Variants in HEATR5A observed in about 807,000 individuals in gnomAD.
HEATR5A encodes the protein HEAT repeat-containing protein 5A.
A neutral mutation model predicts 218.8 loss-of-function variants in HEATR5A; 178 were observed. The observed-to-expected ratio is 0.81, with a 90% CI of 0.72 to 0.92. HEATR5A has a LOEUF of 0.92. Ranked by LOEUF, HEATR5A falls within the 40% of genes least tolerant of loss-of-function variation. The probability of loss-of-function intolerance (pLI) is 0.00; values close to 1 mark genes in which losing one functional copy is unlikely to be tolerated. For missense variants in HEATR5A, 2,420 were observed against 2,418.9 expected (o/e 1.00, Z -0.01); for synonymous variants, 864 against 871.6 (o/e 0.99, Z 0.15).
At chr14:31,326,404 TCACA>T in intron 22 of HEATR5A, 62 bp from the exon 23 acceptor site, 3 of 1,165,534 alleles carry the variant, frequency 2.6e-6, no homozygotes, top group Middle Eastern at 2.0e-4. Context: ...TATCAGAAGC[TCACA>T]CATTCAGTAG....
intron 21 of HEATR5A, among the ~76,000 whole-genome samples, chr14:31,340,742 C>T (rs542350183): frequency 6.6e-6 from 1 of 152,266 alleles, no homozygotes; most frequent in South Asian, 2.1e-4. Flanking sequence ...TTAGGTTTTT[C>T]TTCAGAATCT....
At chr14:31,336,014 T>G (rs8010938) in intron 22 of HEATR5A, among the ~76,000 whole-genome samples, 142,691 of 146,254 alleles carry the variant, frequency 0.98, 69,699 homozygotes, top group Middle Eastern at 1. Context: ...CTGTAACCCA[T>G]GCTGCAGTTA....
intron 22 of HEATR5A, among the ~76,000 whole-genome samples, chr14:31,331,006 A>G (rs1349086439): frequency 7.2e-6 from 1 of 138,724 alleles, no homozygotes; most frequent in Non-Finnish European, 1.5e-5. Context: ...CAGTGGCGCA[A>G]CCTCAACTCA....
At chr14:31,369,061 C>T (rs961495958) in intron 13 of HEATR5A, among the ~76,000 whole-genome samples, 3 of 152,106 alleles carry the variant, frequency 2.0e-5, no homozygotes, top group African/African-American at 7.2e-5. Context: ...CTTTGGGAGG[C>T]TGAGGCAGGA....
At chr14:31,396,592 T>G (rs2030662479) in intron 4 of HEATR5A, among the ~76,000 whole-genome samples, 1 of 152,224 alleles carries the variant, frequency 6.6e-6, no homozygotes, top group Non-Finnish European at 1.5e-5. Flanking sequence ...AAGAATCATT[T>G]CATAGTAATA....
chr14:31,397,459 A>C (rs1216007586), intron 4 of HEATR5A, among the ~76,000 whole-genome samples: 1 of 151,946 alleles, frequency 6.6e-6, no homozygotes, highest in Non-Finnish European at 1.5e-5. Context: ...GGAGTTCAAG[A>C]ATGGCCTGGT....
intron 11 of HEATR5A, among the ~76,000 whole-genome samples, chr14:31,377,553 A>AC (rs1902276298): frequency 6.6e-6 from 1 of 152,028 alleles, no homozygotes; most frequent in Admixed American, 6.6e-5. Flanking sequence ...CAGATTGCTT[A>AC]AGTCCAGGAG....
chr14:31,302,246 T>C (rs746100427), intron 33 of HEATR5A, 49 bp downstream of exon 33: 1 of 1,347,236 alleles, frequency 7.4e-7, no homozygotes, highest in South Asian at 1.3e-5. Flanking sequence ...AAAACTCTTC[T>C]TCTCACTTTT....
intron 22 of HEATR5A, among the ~76,000 whole-genome samples, chr14:31,330,548 G>C (rs2139181224): frequency 6.6e-6 from 1 of 152,168 alleles, no homozygotes; most frequent in Middle Eastern, 3.4e-3. Flanking sequence ...CAGCACTTTG[G>C]GAGGCCGAGG....
intron 19 of HEATR5A, among the ~76,000 whole-genome samples, chr14:31,346,642 TG>T (rs1901032173): frequency 6.6e-6 from 1 of 152,224 alleles, no homozygotes; most frequent in South Asian, 2.1e-4. Context: ...TTGATGGGAC[TG>T]GAATAAAGAA....
At chr14:31,344,091 A>T in intron 20 of HEATR5A, 26 bp from the exon 21 acceptor site, 1 of 1,364,986 alleles carries the variant, frequency 7.3e-7, no homozygotes, top group Non-Finnish European at 9.7e-7. Context: ...GAAAGCTTTT[A>T]ATAATTGGCC....
chr14:31,332,311 T>C (rs1314372479), intron 22 of HEATR5A, among the ~76,000 whole-genome samples: 1 of 152,226 alleles, frequency 6.6e-6, no homozygotes, highest in Non-Finnish European at 1.5e-5. Flanking sequence ...TTGAGTGTGT[T>C]CTGACTGCTC....
intron 32 of HEATR5A, among the ~76,000 whole-genome samples, chr14:31,303,341 A>G (rs547944034): frequency 3.2e-4 from 48 of 151,952 alleles, no homozygotes; most frequent in Non-Finnish European, 5.6e-4. Flanking sequence ...GCTGAGGCAG[A>G]AGAACTGCTT....
chr14:31,332,431 G>A (rs948529305), intron 22 of HEATR5A, among the ~76,000 whole-genome samples: 11 of 152,048 alleles, frequency 7.2e-5, no homozygotes, highest in Non-Finnish European at 1.2e-4. Flanking sequence ...GAATAACACC[G>A]CAATGGCCTT....
intron 16 of HEATR5A, among the ~76,000 whole-genome samples, chr14:31,352,699 T>C (rs1238752939): frequency 1.3e-5 from 2 of 152,204 alleles, no homozygotes; most frequent in Non-Finnish European, 2.9e-5. Context: ...GGCAAACACC[T>C]ACAATCCCAG....
At chr14:31,311,485 G>C (rs764997218) in intron 28 of HEATR5A, among the ~76,000 whole-genome samples, 12 of 151,664 alleles carry the variant, frequency 7.9e-5, no homozygotes, top group Non-Finnish European at 1.3e-4. Context: ...GATGATAGCT[G>C]CCTGCAGCCT....
chr14:31,371,157 G>A (rs1468764052), intron 13 of HEATR5A, among the ~76,000 whole-genome samples: 1 of 152,198 alleles, frequency 6.6e-6, no homozygotes, highest in East Asian at 1.9e-4. Flanking sequence ...CGATGAGAGA[G>A]TTGAGTAGCT....
intron 14 of HEATR5A, among the ~76,000 whole-genome samples, chr14:31,362,777 CA>C (rs71430950): frequency 7.5e-5 from 10 of 132,524 alleles, no homozygotes; most frequent in East Asian, 2.3e-4. Context: ...GGCCCCATCT[CA>C]AAAAAAAAAA....
intron 9 of HEATR5A, 48 bp from the exon 10 acceptor site, chr14:31,383,819 C>T: frequency 1.3e-6 from 2 of 1,516,396 alleles, no homozygotes; most frequent in Non-Finnish European, 1.8e-6. Context: ...TAAAACTCAC[C>T]TGACCATAAA....
Sources: allele counts gnomAD v4.1 joint callset (sites outside exome capture counted in the v4.1 genomes callset), GRCh38; gene constraint gnomAD v4.1.1; transcripts MANE v1.5; gene names NCBI Gene and HGNC (gene_info 2026-07-23, HGNC 2026-07-21).